Variants in UHRF2 observed in about 807,000 individuals in gnomAD.
The protein encoded by UHRF2 is E3 ubiquitin-protein ligase UHRF2.
A neutral mutation model predicts 96.8 loss-of-function variants in UHRF2; 23 were observed. The observed-to-expected ratio is 0.24, with a 90% CI of 0.17 to 0.34. The LOEUF (loss-of-function observed/expected upper bound fraction) is 0.34, where lower values mean the gene tolerates loss of function less well. Ranked by LOEUF, UHRF2 falls within the 10% of genes least tolerant of loss-of-function variation. The probability of loss-of-function intolerance (pLI) is 1.00; values close to 1 mark genes in which losing one functional copy is unlikely to be tolerated. For missense variants in UHRF2, 685 were observed against 981.5 expected, an observed-to-expected ratio of 0.70 and a Z score of 4.04; for synonymous variants, 385 against 332.6, an observed-to-expected ratio of 1.16 and a Z score of -1.72.
chr9:6,488,122 A>G (rs909692565), intron 9 of UHRF2, among the ~76,000 whole-genome samples: 1 of 151,684 alleles, frequency 6.6e-6, no homozygotes, highest in Non-Finnish European at 1.5e-5. Context: ...ATGTGCCTGT[A>G]GTCCCGGCTA....
chr9:6,433,954 C>T lies in UHRF2; in HGVS notation c.425C>T (p.Ala142Val). The T allele has an allele frequency of 1.2e-6, 2 of 1,611,636 alleles. No individual in the cohort carries two copies. Among genetic ancestry groups the T allele is most frequent in the Non-Finnish European group, 1.7e-6 (2 of 1,178,100 alleles). Reference protein sequence around the residue: ...LVDARDVGLGAWFEAHIHSVT... With the variant: ...LVDARDVGLGVWFEAHIHSVT... ...GATGCCAGAGATGTCGGCCTTGGTG[C>T]TTGGTTTGAAGCACACATACATAGT... Residue 142 changes from alanine (A) to valine (V), a missense_variant, in exon 3 of 16, where the codon GCT becomes GTT. Transcript: ENST00000276893.
chr9:6,469,750 G>GTA (rs1563783057), intron 4 of UHRF2, among the ~76,000 whole-genome samples: 1 of 135,066 alleles, frequency 7.4e-6, no homozygotes, highest in African/African-American at 3.1e-5. Flanking sequence ...ATATATACAC[G>GTA]TATATATACA....
intron 3 of UHRF2, among the ~76,000 whole-genome samples, chr9:6,456,166 G>C (rs531727877): frequency 1.3e-5 from 2 of 152,178 alleles, no homozygotes; most frequent in African/African-American, 4.8e-5. Flanking sequence ...AATGTTTCTA[G>C]AGAGCTGGCT....
intron 2 of UHRF2, among the ~76,000 whole-genome samples, chr9:6,423,692 T>C (rs951583365): frequency 3.3e-5 from 5 of 151,362 alleles, no homozygotes; most frequent in African/African-American, 1.2e-4. Flanking sequence ...ACACCTGTAA[T>C]CCCAACACTT....
At chr9:6,454,799 A>G (rs2130828987) in intron 3 of UHRF2, among the ~76,000 whole-genome samples, 1 of 152,328 alleles carries the variant, frequency 6.6e-6, no homozygotes, top group Non-Finnish European at 1.5e-5. Flanking sequence ...ACTCTAGGAT[A>G]TGATATTTAA....
chr9:6,474,428 G>A (rs1823437039), intron 4 of UHRF2, among the ~76,000 whole-genome samples: 2 of 152,176 alleles, frequency 1.3e-5, no homozygotes, highest in Admixed American at 1.3e-4. Context: ...GAAATGGGCT[G>A]GGTGTGGTAA....
intron 3 of UHRF2, among the ~76,000 whole-genome samples, chr9:6,444,702 A>C (rs1379542876): frequency 1.3e-5 from 2 of 152,152 alleles, no homozygotes; most frequent in African/African-American, 4.8e-5. Context: ...CCAGGGTTCA[A>C]GTGATGTCTC....
At chr9:6,504,015 CTTT>C (rs35325264) in intron 14 of UHRF2, among the ~76,000 whole-genome samples, 2 of 78,940 alleles carry the variant, frequency 2.5e-5, no homozygotes, top group African/African-American at 6.0e-5. Context: ...AAATAGAAGA[CTTT>C]TTTTTTTTTT....
At chr9:6,450,811 A>G (rs187213859) in intron 3 of UHRF2, among the ~76,000 whole-genome samples, 1 of 152,310 alleles carries the variant, frequency 6.6e-6, no homozygotes, top group East Asian at 1.9e-4. Context: ...GTGTTCAGGT[A>G]TAACAGAATG....
chr9:6,464,279 GTTAA>G (rs1000790919), intron 4 of UHRF2, among the ~76,000 whole-genome samples: 2 of 152,236 alleles, frequency 1.3e-5, no homozygotes, highest in South Asian at 2.1e-4. Flanking sequence ...TTTTTTTGTT[GTTAA>G]TTAAATAATG....
intron 14 of UHRF2, among the ~76,000 whole-genome samples, chr9:6,503,631 C>G (rs1345369336): frequency 6.6e-6 from 1 of 151,890 alleles, no homozygotes; most frequent in African/African-American, 2.4e-5. Flanking sequence ...TTAGATACTA[C>G]AGAGTATTGT....
At chr9:6,467,350 C>G (rs767770437) in intron 4 of UHRF2, among the ~76,000 whole-genome samples, 3 of 152,132 alleles carry the variant, frequency 2.0e-5, no homozygotes, top group African/African-American at 7.2e-5. Context: ...TATATTGGAT[C>G]TGCGTGGATA....
chr9:6,421,224 A>T, intron 2 of UHRF2, 82 bp downstream of exon 2: 1 of 1,032,874 alleles, frequency 9.7e-7, no homozygotes, highest in South Asian at 1.6e-5. Flanking sequence ...ATAAGTAAAC[A>T]TTGATTGCCA....
chr9:6,428,888 G>A (rs978882371), intron 2 of UHRF2, among the ~76,000 whole-genome samples: 3 of 152,158 alleles, frequency 2.0e-5, no homozygotes, highest in Non-Finnish European at 4.4e-5. Flanking sequence ...ATGGGGCCGA[G>A]TGTGGTGGCT....
rs144363786 is a variant in UHRF2 at position 6,467,774 on chromosome 9, C to G, written c.863+6983C>G. Among the ~76,000 whole-genome samples, 8 of 152,028 alleles carry G rather than the reference C, an allele frequency of 5.3e-5. No homozygotes were observed. In the East Asian group the frequency reaches 1.5e-3, roughly 29 times the overall value. ...ATACTCTGCTTGAGCCTTTTTAGAC[C>G]ACATAGGTAGCATGAATTCAGGCCT... On this transcript the variant is annotated intron_variant, in intron 4 of 15. Transcript: ENST00000276893.
intron 4 of UHRF2, among the ~76,000 whole-genome samples, chr9:6,471,332 T>C (rs1245811445): frequency 2.0e-5 from 3 of 152,126 alleles, no homozygotes; most frequent in African/African-American, 7.2e-5. Flanking sequence ...CTCAGCAAAC[T>C]AATTTGAAAA....
intron 3 of UHRF2, among the ~76,000 whole-genome samples, chr9:6,451,475 T>TTTG (rs1821858603): frequency 6.8e-6 from 1 of 146,274 alleles, no homozygotes; most frequent in Non-Finnish European, 1.6e-5. Context: ...TGTTTTTTTT[T>TTTG]TTTGTTTGTT....
At chr9:6,448,245 A>G (rs1210067089) in intron 3 of UHRF2, among the ~76,000 whole-genome samples, 2 of 152,250 alleles carry the variant, frequency 1.3e-5, no homozygotes, top group African/African-American at 4.8e-5. Context: ...AATGATAGGT[A>G]CATAGTAACA....
rs117452522 is a variant in UHRF2, at chr9:6,459,758, A to G, written c.645-815A>G. On this transcript the variant is annotated intron_variant, in intron 3 of 15. Transcript: ENST00000276893. ...GGAGTCCAAGGCAGGGGGTTGCTTG[A>G]GGCCAGGAGTTCTAAACCAGCGTCA... Among the ~76,000 whole-genome samples the G allele has an allele frequency of 1.2e-3, 187 of 152,352 alleles. 4 individuals are homozygous for G. In the East Asian group the frequency reaches 0.027, roughly 22 times the overall value.
Sources: gnomAD v4.1 joint callset for allele counts (sites outside exome capture counted in the v4.1 genomes callset) on GRCh38, gnomAD v4.1.1 for gene constraint, MANE v1.5 for transcripts, NCBI Gene and HGNC (gene_info 2026-07-23, HGNC 2026-07-21) for gene names.